The following DYM variants were observed in gnomAD, a reference collection of about 807,000 sequenced individuals.
DYM encodes the protein dyggve-Melchior-Clausen syndrome protein.
A neutral mutation model predicts 93.1 loss-of-function variants in DYM; 78 were observed. The observed-to-expected ratio is 0.84, with a 90% CI of 0.70 to 1.01. The LOEUF (loss-of-function observed/expected upper bound fraction) is 1.01. Ranked by LOEUF, DYM falls within the 50% of genes least tolerant of loss-of-function variation. DYM has a pLI of 0.00. For synonymous variants in DYM, 321 were observed against 319.7 expected, an observed-to-expected ratio of 1.00 and a Z score of -0.04; for missense variants, 789 against 845.0, an observed-to-expected ratio of 0.93 and a Z score of 0.82.
At chr18:49,227,487 C>T (rs768281616) in intron 13 of DYM, among the ~76,000 whole-genome samples, 9 of 152,010 alleles carry the variant, frequency 5.9e-5, no homozygotes, top group Non-Finnish European at 1.2e-4. Flanking sequence ...GAAATTATGC[C>T]ATTAAGTCAT....
intron 17 of DYM, among the ~76,000 whole-genome samples, chr18:49,094,985 A>C (rs1249178944): frequency 6.6e-6 from 1 of 152,216 alleles, no homozygotes; most frequent in Non-Finnish European, 1.5e-5. Flanking sequence ...ATCAATTAGT[A>C]TATATTATTC....
intron 15 of DYM, among the ~76,000 whole-genome samples, chr18:49,145,235 G>C (rs75218327): frequency 6.7e-6 from 1 of 148,464 alleles, no homozygotes; most frequent in African/African-American, 2.5e-5. Context: ...CATTACACCC[G>C]TCTTGAAGTA....
chr18:49,438,090 C>T (rs1163284236), intron 1 of DYM, among the ~76,000 whole-genome samples: 1 of 152,176 alleles, frequency 6.6e-6, no homozygotes, highest in Non-Finnish European at 1.5e-5. Flanking sequence ...AGAAGGATCG[C>T]TTGAGCCCAG....
intron 1 of DYM, chr18:49,447,331 A>G (rs904735524): frequency 3.9e-5 from 6 of 152,254 alleles, no homozygotes; most frequent in African/African-American, 1.2e-4. Flanking sequence ...TCTTCTGTCT[A>G]TTAAGCTTTC....
chr18:49,070,096 G>T (rs975976426), intron 17 of DYM, among the ~76,000 whole-genome samples: 1 of 152,146 alleles, frequency 6.6e-6, no homozygotes, highest in African/African-American at 2.4e-5. Flanking sequence ...ATGGCTGTGA[G>T]CAAGAGGCTC....
At chr18:49,157,099 T>C (rs1168379542) in intron 15 of DYM, among the ~76,000 whole-genome samples, 1 of 152,084 alleles carries the variant, frequency 6.6e-6, no homozygotes, top group Non-Finnish European at 1.5e-5. Context: ...GGAAGCACCC[T>C]GGGAAGAGGG....
intron 6 of DYM, among the ~76,000 whole-genome samples, chr18:49,348,186 G>C (rs2064772058): frequency 1.3e-5 from 2 of 152,252 alleles, no homozygotes; most frequent in African/African-American, 2.4e-5. Flanking sequence ...CTTACTATTG[G>C]ATAAGAAACC....
At chr18:49,444,833 A>G (rs533435311) in intron 1 of DYM, among the ~76,000 whole-genome samples, 5 of 152,348 alleles carry the variant, frequency 3.3e-5, no homozygotes, top group East Asian at 1.9e-4. Context: ...TATTAAAACC[A>G]TATGTTCACA....
intron 17 of DYM, among the ~76,000 whole-genome samples, chr18:49,072,683 G>A (rs1053447773): frequency 2.6e-5 from 4 of 152,338 alleles, no homozygotes; most frequent in South Asian, 2.1e-4. Context: ...AGTGAGTTTC[G>A]GAACGTTTGA....
intron 3 of DYM, among the ~76,000 whole-genome samples, chr18:49,390,547 G>T (rs1161391288): frequency 6.6e-6 from 1 of 151,140 alleles, no homozygotes; most frequent in East Asian, 1.9e-4. Context: ...TCGCTCTGTC[G>T]CCCAGGCTGG....
chr18:49,441,796 G>A (rs1049187410), intron 1 of DYM, among the ~76,000 whole-genome samples: 1 of 152,038 alleles, frequency 6.6e-6, no homozygotes, highest in Non-Finnish European at 1.5e-5. Context: ...CGAGAGACAG[G>A]GCACTGGGGA....
chr18:49,171,709 C>A (rs542970827), intron 14 of DYM, among the ~76,000 whole-genome samples: 3 of 152,200 alleles, frequency 2.0e-5, no homozygotes, highest in African/African-American at 7.2e-5. Context: ...CTCCTTCCTC[C>A]TCTCCTACAA....
chr18:49,285,597 C>T (rs1000049716), intron 9 of DYM, among the ~76,000 whole-genome samples: 2 of 152,228 alleles, frequency 1.3e-5, no homozygotes, highest in African/African-American at 4.8e-5. Context: ...TTGAATAGGT[C>T]TGTTGGCTAG....
chr18:49,187,920 A>G (rs913661720), intron 14 of DYM, among the ~76,000 whole-genome samples: 3 of 152,102 alleles, frequency 2.0e-5, no homozygotes, highest in Non-Finnish European at 4.4e-5. Context: ...ATGGAGAGAG[A>G]TATCAAACTT....
At chr18:49,127,702 G>A (rs1047707834) in intron 15 of DYM, among the ~76,000 whole-genome samples, 2 of 152,176 alleles carry the variant, frequency 1.3e-5, no homozygotes, top group South Asian at 2.1e-4. Context: ...TTATCTTTAC[G>A]TTGCTAATTC....
chr18:49,049,392 A>G (rs2072084016), intron 17 of DYM, among the ~76,000 whole-genome samples: 1 of 152,210 alleles, frequency 6.6e-6, no homozygotes, highest in African/African-American at 2.4e-5. Context: ...TACAGCCACT[A>G]GGACACATGG....
At chr18:49,434,835 G>A (rs921886855) in intron 1 of DYM, among the ~76,000 whole-genome samples, 1 of 151,832 alleles carries the variant, frequency 6.6e-6, no homozygotes, top group Non-Finnish European at 1.5e-5. Context: ...GTGTGGTGGT[G>A]CATGGAGATT....
At chr18:49,097,642 T>A in intron 16 of DYM, 127 bp from the exon 17 acceptor site, 1 of 850,514 alleles carries the variant, frequency 1.2e-6, no homozygotes, top group Non-Finnish European at 1.9e-6. Context: ...TTTAATTCAC[T>A]AGCCCTCCTA....
intron 11 of DYM, among the ~76,000 whole-genome samples, chr18:49,265,735 G>A (rs1000195817): frequency 2.8e-5 from 4 of 144,156 alleles, no homozygotes; most frequent in South Asian, 2.2e-4. Context: ...CCGAGATTGC[G>A]CCATTGCACT....
Sources: allele counts gnomAD v4.1 joint callset (sites outside exome capture counted in the v4.1 genomes callset), GRCh38; gene constraint gnomAD v4.1.1; transcripts MANE v1.5; gene names NCBI Gene and HGNC (gene_info 2026-07-23, HGNC 2026-07-21).